The following MRPS28 variants were observed in gnomAD, a reference collection of about 807,000 sequenced individuals.
The protein encoded by MRPS28 is mitochondrial ribosomal protein S28.
MRPS28 carries 7 observed loss-of-function variants against 10.8 expected under a neutral mutation model. The observed-to-expected ratio is 0.65, with a 90% CI of 0.37 to 1.22. MRPS28 has a LOEUF of 1.22. Ranked by LOEUF, MRPS28 falls within the 50% of genes most tolerant of loss-of-function variation. The pLI is 0.02. For missense variants in MRPS28, 265 were observed against 232.9 expected (o/e 1.14, Z -0.90); for synonymous variants, 121 against 93.3 (o/e 1.30, Z -1.71).
At chr8:80,011,982 G>C (rs1809064899) in intron 1 of MRPS28, among the ~76,000 whole-genome samples, 1 of 152,176 alleles carries the variant, frequency 6.6e-6, no homozygotes, top group Middle Eastern at 3.4e-3. Flanking sequence ...GAAAATTATT[G>C]AGTGCTCTCA....
intron 2 of MRPS28, among the ~76,000 whole-genome samples, chr8:79,928,978 G>C (rs141396082): frequency 6.6e-6 from 1 of 152,174 alleles, no homozygotes; most frequent in South Asian, 2.1e-4. Flanking sequence ...CCCAGGAGGC[G>C]GAGATTGCAG....
chr8:80,015,956 CT>C (rs1809184083), intron 1 of MRPS28, among the ~76,000 whole-genome samples: 1 of 151,482 alleles, frequency 6.6e-6, no homozygotes, highest in African/African-American at 2.4e-5. Context: ...AAAACTGTGA[CT>C]CTGAAGATAC....
intron 2 of MRPS28, among the ~76,000 whole-genome samples, chr8:80,002,063 A>C (rs1401781668): frequency 6.6e-6 from 1 of 152,154 alleles, no homozygotes; most frequent in East Asian, 1.9e-4. Context: ...AGGTAGGACA[A>C]GCTTATGTCT....
chr8:79,995,719 T>G (rs906415359), intron 2 of MRPS28, among the ~76,000 whole-genome samples: 2 of 151,862 alleles, frequency 1.3e-5, no homozygotes, highest in African/African-American at 4.8e-5. Flanking sequence ...ACAGAAGGAG[T>G]TTAGGAGCTG....
At chr8:80,010,308 A>G (rs1320571941) in intron 1 of MRPS28, among the ~76,000 whole-genome samples, 1 of 152,216 alleles carries the variant, frequency 6.6e-6, no homozygotes, top group Non-Finnish European at 1.5e-5. Flanking sequence ...TGACGACCTA[A>G]ATGCTGTATT....
intron 1 of MRPS28, 50 bp from the exon 2 acceptor site, chr8:80,003,230 T>C (rs369247375): frequency 5.6e-5 from 71 of 1,271,950 alleles, no homozygotes; most frequent in Non-Finnish European, 6.9e-5. Flanking sequence ...CATGAAGGTA[T>C]AATAAAGTCT....
intron 2 of MRPS28, among the ~76,000 whole-genome samples, chr8:79,979,389 C>T (rs1033101706): frequency 2.0e-5 from 3 of 152,084 alleles, no homozygotes; most frequent in African/African-American, 7.2e-5. Flanking sequence ...TCAGAGCCTT[C>T]CCTGCAGTTA....
At chr8:80,006,325 C>T (rs1808843790) in intron 1 of MRPS28, among the ~76,000 whole-genome samples, 2 of 152,198 alleles carry the variant, frequency 1.3e-5, no homozygotes, top group South Asian at 4.1e-4. Context: ...GATTAAGAAA[C>T]TCACTCAAAA....
intron 2 of MRPS28, among the ~76,000 whole-genome samples, chr8:79,989,414 C>A (rs1808292308): frequency 6.6e-6 from 1 of 151,984 alleles, no homozygotes; most frequent in South Asian, 2.1e-4. Flanking sequence ...GACATAGAAG[C>A]AAAGAACAGA....
intron 2 of MRPS28, among the ~76,000 whole-genome samples, chr8:79,926,143 A>G (rs1229746621): frequency 1.3e-5 from 2 of 152,180 alleles, no homozygotes; most frequent in African/African-American, 4.8e-5. Context: ...GGAAAGGGGA[A>G]AAAAAACCAA....
At chr8:79,951,888 AT>A (rs1807087841) in intron 2 of MRPS28, among the ~76,000 whole-genome samples, 1 of 152,198 alleles carries the variant, frequency 6.6e-6, no homozygotes, top group Non-Finnish European at 1.5e-5. Flanking sequence ...AAAAAGGAGG[AT>A]CCACGGTTTT....
chr8:79,962,966 T>C (rs1586062029), intron 2 of MRPS28, among the ~76,000 whole-genome samples: 1 of 152,182 alleles, frequency 6.6e-6, no homozygotes, highest in South Asian at 2.1e-4. Flanking sequence ...TTGCCATGCC[T>C]GGGGAACACA....
chr8:80,009,723 T>C (rs961403979), intron 1 of MRPS28, among the ~76,000 whole-genome samples: 1 of 150,862 alleles, frequency 6.6e-6, no homozygotes, highest in African/African-American at 2.4e-5. Context: ...GTAGGGAGAG[T>C]AGAAGAGTGC....
rs10094162 is a variant in MRPS28 at position 80,012,819 on chromosome 8, G to A, written c.214-9639C>T. On this transcript the variant is annotated intron_variant, in intron 1 of 2. Transcript: ENST00000276585. ...GCATTCATTCATTCATCAAACATGT[G>A]TTGTCTTTTTAATATATATTAAGCA... Among the ~76,000 whole-genome samples, 1,042 of 152,270 alleles carry A rather than the reference G, an allele frequency of 6.8e-3. 7 individuals carry two copies. The highest frequency in any genetic ancestry group is 0.014 in the Middle Eastern group (4 of 294).
intron 2 of MRPS28, among the ~76,000 whole-genome samples, chr8:79,981,297 C>G (rs543841543): frequency 6.6e-6 from 1 of 152,182 alleles, no homozygotes; most frequent in African/African-American, 2.4e-5. Flanking sequence ...TGCACTCCAG[C>G]CTGGGCAACA....
chr8:79,987,463 A>G (rs951672058), intron 2 of MRPS28, among the ~76,000 whole-genome samples: 53 of 152,256 alleles, frequency 3.5e-4, no homozygotes, highest in African/African-American at 1.2e-3. Flanking sequence ...GCACAGCAAA[A>G]GAAACTACCA....
chr8:80,019,051 G>A (rs1464888827), intron 1 of MRPS28, among the ~76,000 whole-genome samples: 1 of 151,966 alleles, frequency 6.6e-6, no homozygotes, highest in African/African-American at 2.4e-5. Flanking sequence ...ATGTGATATA[G>A]TATACTTATA....
At chr8:79,997,624 A>T (rs534144254) in intron 2 of MRPS28, among the ~76,000 whole-genome samples, 2 of 152,228 alleles carry the variant, frequency 1.3e-5, no homozygotes, top group African/African-American at 4.8e-5. Flanking sequence ...GAAAAAAAAA[A>T]AACCAAAGTT....
chr8:79,947,279 C>A lies in MRPS28; in HGVS notation c.396-28131G>T, dbSNP rs527968921. On this transcript the variant is annotated intron_variant, in intron 2 of 2. Transcript: ENST00000276585. The stretch of plus-strand genomic sequence containing the variant: ...AACCAACCAAAAAGCCCTGTAAAGC[C>A]CTGATCTATAGTGGCATCTTTCCAT... 6.6e-5 allele frequency among the ~76,000 whole-genome samples: 10 copies of A among 152,196 alleles called. No individual in the cohort carries two copies. In the East Asian group the frequency reaches 1.3e-3, roughly 21 times the overall value.
Sources: gnomAD v4.1 joint callset for allele counts (sites outside exome capture counted in the v4.1 genomes callset) on GRCh38, gnomAD v4.1.1 for gene constraint, MANE v1.5 for transcripts, NCBI Gene and HGNC (gene_info 2026-07-23, HGNC 2026-07-21) for gene names.